CENPE: variants seen among roughly 807,000 people sequenced by gnomAD.
CENPE encodes the protein centromere protein E, also known as centromere-associated protein E.
In CENPE, 145 loss-of-function variants were observed where a neutral mutation model predicts 336.1. The ratio of observed to expected loss-of-function variants is 0.43; its 90% CI spans 0.38 to 0.50. CENPE has a LOEUF of 0.50. CENPE is among the 20% of genes least tolerant of loss of function. The pLI is 0.00. For missense variants in CENPE, 2,719 were observed against 3,023.3 expected, an observed-to-expected ratio of 0.90 and a Z score of 2.36; for synonymous variants, 1,013 against 984.8, an observed-to-expected ratio of 1.03 and a Z score of -0.54.
rs1412021133 is a variant in CENPE, at chr4:103,145,110, C to T, written c.4797G>A (p.Gln1599=). Residue 1599 remains glutamine, a synonymous_variant, in exon 32 of 49, where the codon CAG becomes CAA. Transcript: ENST00000265148. ...IKEKEEMKRV[Q]EALQIERDQL... ...GGTCTCTCTCTATCTGAAGGGCCTC[C>T]TGTACTCTTTTCATTTCCTCTTTTT... The T allele has an allele frequency of 6.2e-7, 1 of 1,607,970 alleles. No homozygotes were observed. The highest frequency in any genetic ancestry group is 8.5e-7 in the Non-Finnish European group (1 of 1,177,700).
chr4:103,197,965 T>C (rs189660894), intron 1 of CENPE, among the ~76,000 whole-genome samples: 83 of 152,302 alleles, frequency 5.4e-4, no homozygotes, highest in Non-Finnish European at 1.1e-3. Flanking sequence ...ACGACTTCTC[T>C]AGGCGGGGAA....
intron 16 of CENPE, among the ~76,000 whole-genome samples, chr4:103,171,794 A>T (rs1368223890): frequency 6.6e-6 from 1 of 151,866 alleles, no homozygotes; most frequent in Non-Finnish European, 1.5e-5. Context: ...ATAAAATCAG[A>T]AATAAAAAAG....
intron 46 of CENPE, among the ~76,000 whole-genome samples, chr4:103,112,163 T>C (rs1180945193): frequency 6.6e-6 from 1 of 150,594 alleles, no homozygotes; most frequent in Non-Finnish European, 1.5e-5. Context: ...CACATGCATA[T>C]ATATGTGTAT....
Position 103,123,024 on chromosome 4 carries a change from C to A in CENPE, c.6990G>T (p.Gln2330His). Residue 2330 changes from glutamine to histidine, a missense_variant, in exon 43 of 49, where the codon CAG becomes CAT. Coordinates refer to ENST00000265148, the MANE Select transcript of CENPE (RefSeq NM_001813.3). ...TTTTCTCTTTCAGTGATTTCAGGTC[C>A]TGTTCCCACTCTTTGGATATGGTAG... is the stretch of plus-strand genomic sequence containing the variant. ...RSATISKEWE[Q>H]DLKSLKEKNE... 5.0e-6 allele frequency: 8 copies of A among 1,613,926 alleles called. No individual in the cohort carries two copies. The highest frequency in any genetic ancestry group is 6.8e-6 in the Non-Finnish European group (8 of 1,179,886).
At chr4:103,169,457 A>C (rs193058013) in intron 16 of CENPE, among the ~76,000 whole-genome samples, 5 of 152,342 alleles carry the variant, frequency 3.3e-5, no homozygotes, top group Admixed American at 2.6e-4. Flanking sequence ...AATCTAAATG[A>C]CCCTGCCCTA....
intron 24 of CENPE, among the ~76,000 whole-genome samples, chr4:103,153,744 A>C (rs992504990): frequency 9.2e-5 from 14 of 152,154 alleles, no homozygotes; most frequent in African/African-American, 3.1e-4. Flanking sequence ...TAAACGAGTA[A>C]GCAATCTTGA....
chr4:103,140,216 G>T, intron 37 of CENPE, 40 bp downstream of exon 37: 2 of 1,545,032 alleles, frequency 1.3e-6, no homozygotes, highest in Non-Finnish European at 8.7e-7. Context: ...AATAATTTTG[G>T]GCACAGTTAC....
intron 29 of CENPE, among the ~76,000 whole-genome samples, chr4:103,146,453 T>C (rs2125930566): frequency 6.6e-6 from 1 of 152,270 alleles, no homozygotes; most frequent in Non-Finnish European, 1.5e-5. Flanking sequence ...TCAAATATAA[T>C]CTATTGTGAA....
At position 103,143,336 on chromosome 4, in the gene CENPE, T is replaced by C; in HGVS notation, c.5216A>G (p.Lys1739Arg). ...TTTCTCTGAAACAATCCCTCTTAGT[T>C]TATCAATAGTTTCTTGGTGCTCCTT... ...HLKEHQETID[K>R]LRGIVSEKTN... is the part of the protein sequence containing the mutation. Residue 1739 changes from lysine to arginine, a missense_variant, in exon 34 of 49, where the codon AAA becomes AGA. Physicochemically the swap from Lys to Arg is conservative, Grantham distance 26. Transcript: ENST00000265148. 1.2e-6 allele frequency: 2 copies of C among 1,607,400 alleles called. No individual in the cohort carries two copies. Among genetic ancestry groups the C allele is most frequent in the Non-Finnish European group, 1.7e-6 (2 of 1,174,342 alleles).
intron 9 of CENPE, among the ~76,000 whole-genome samples, chr4:103,183,937 C>T (rs1009861123): frequency 4.6e-5 from 7 of 152,102 alleles, no homozygotes; most frequent in African/African-American, 1.7e-4. Context: ...GAAAAATTTC[C>T]ATATCGGTAA....
chr4:103,194,754 C>G (rs1757615432), intron 5 of CENPE, 70 bp from the exon 6 acceptor site: 32 of 1,154,502 alleles, frequency 2.8e-5, no homozygotes, highest in Non-Finnish European at 4.0e-5. Flanking sequence ...AAAGAAGGTG[C>G]AAACTATTAT....
rs1396660606 is a variant in CENPE, at chr4:103,179,021, A to G, written c.1242+1290T>C. Among the ~76,000 whole-genome samples the G allele has an allele frequency of 2.0e-5, 3 of 152,162 alleles. 1 individual carries two copies. The highest frequency in any genetic ancestry group is 4.4e-5 in the Non-Finnish European group (3 of 68,018). ...CTCAAACAAAAGAAATCCCAAATAA[A>G]ACACCCACCATTTCCACTGCTCTTT... On this transcript the variant is annotated intron_variant, in intron 13 of 48. Transcript: ENST00000265148.
intron 40 of CENPE, among the ~76,000 whole-genome samples, chr4:103,135,298 T>C (rs940115896): frequency 6.6e-6 from 1 of 152,184 alleles, no homozygotes; most frequent in Non-Finnish European, 1.5e-5. Flanking sequence ...GTCTACTTGG[T>C]TTCTCTTCTT....
intron 13 of CENPE, 118 bp downstream of exon 13, chr4:103,180,193 T>C (rs1156839616): frequency 7.0e-6 from 6 of 854,144 alleles, no homozygotes; most frequent in South Asian, 7.1e-5. Context: ...CAAAATCTTC[T>C]GGGTTTCTTG....
At chr4:103,191,910 T>C (rs1170411023) in intron 8 of CENPE, among the ~76,000 whole-genome samples, 1 of 151,536 alleles carries the variant, frequency 6.6e-6, no homozygotes, top group Non-Finnish European at 1.5e-5. Context: ...GGAGGATGGA[T>C]TGGGAAGGGG....
intron 47 of CENPE, among the ~76,000 whole-genome samples, chr4:103,109,327 T>C (rs1037302240): frequency 2.0e-5 from 3 of 152,188 alleles, no homozygotes; most frequent in Non-Finnish European, 4.4e-5. Context: ...TCCATGATCA[T>C]GGAGTCTTGA....
At chr4:103,171,442 G>A (rs1755402803) in intron 16 of CENPE, among the ~76,000 whole-genome samples, 1 of 151,780 alleles carries the variant, frequency 6.6e-6, no homozygotes, top group Non-Finnish European at 1.5e-5. Flanking sequence ...AATTAAAAGA[G>A]TAATTTTAAA....
chr4:103,198,072 C>T lies in CENPE; in HGVS notation c.56+192G>A, dbSNP rs113307544. 3.5e-3 allele frequency among the ~76,000 whole-genome samples: 534 copies of T among 152,368 alleles called. 3 individuals are homozygous for T. Among genetic ancestry groups the T allele is most frequent in the Middle Eastern group, 0.014 (4 of 294 alleles). On this transcript the variant is annotated intron_variant, in intron 1 of 48. Transcript: ENST00000265148. Reference sequence around the variant, plus strand: ...AGTTAAATTTAAGTGAATCTCGCAGCTGGAAAGTATCTTCTAGATCTCCGA... The same window carrying T: ...AGTTAAATTTAAGTGAATCTCGCAGTTGGAAAGTATCTTCTAGATCTCCGA...
At chr4:103,196,302 C>G in intron 2 of CENPE, 50 bp from the exon 3 acceptor site, 1 of 1,347,712 alleles carries the variant, frequency 7.4e-7, no homozygotes, top group Non-Finnish European at 1.1e-6. Context: ...TCAAATGAGT[C>G]CACTGTGTTT....
Sources: allele counts gnomAD v4.1 joint callset (sites outside exome capture counted in the v4.1 genomes callset), GRCh38; gene constraint gnomAD v4.1.1; transcripts MANE v1.5; gene names NCBI Gene and HGNC (gene_info 2026-07-23, HGNC 2026-07-21).